Variants in ERC2 observed in about 807,000 individuals in gnomAD.
ERC2 encodes the protein ELKS/RAB6-interacting/CAST family member 2, also known as ERC protein 2.
ERC2 carries 42 observed loss-of-function variants against 114.8 expected under a neutral mutation model. That is an observed-to-expected ratio of 0.37 (90% CI 0.29 to 0.47). The LOEUF (loss-of-function observed/expected upper bound fraction) is 0.47. Among genes scored for constraint, ERC2 ranks in the 20% least tolerant of loss-of-function variants. The probability of loss-of-function intolerance (pLI) is 0.99; values close to 1 mark genes in which losing one functional copy is unlikely to be tolerated. For synonymous variants in ERC2, 454 were observed against 425.5 expected (o/e 1.07, Z -0.82); for missense variants, 939 against 1,150.7 (o/e 0.82, Z 2.66).
chr3:56,436,062 C>T lies in ERC2; in HGVS notation c.-140-915G>A, dbSNP rs528070657. Among the ~76,000 whole-genome samples, 3 of 152,276 alleles carry T rather than the reference C, an allele frequency of 2.0e-5. No homozygotes were observed. In the South Asian group the frequency reaches 6.2e-4, roughly 32 times the overall value. On this transcript the variant is annotated intron_variant, in intron 1 of 17. Transcript: ENST00000288221. ...TGGGGCTACAGCATTGTGAGTATCC[C>T]TTCAATTTTAGCACCCATATGGCCT...
chr3:56,453,733 C>T (rs905020735), intron 1 of ERC2, among the ~76,000 whole-genome samples: 2 of 152,100 alleles, frequency 1.3e-5, no homozygotes, highest in African/African-American at 4.8e-5. Context: ...CATTCCTGAC[C>T]ACTGATTTCT....
At chr3:55,935,431 G>A (rs554201475) in intron 13 of ERC2, among the ~76,000 whole-genome samples, 2 of 152,130 alleles carry the variant, frequency 1.3e-5, no homozygotes, top group African/African-American at 4.8e-5. Context: ...CATGGAGCCC[G>A]GCACACAGCA....
Position 55,776,783 on chromosome 3 carries a change from A to G in ERC2, c.2565-41865T>C, listed in dbSNP as rs112225406. On this transcript the variant is annotated intron_variant, in intron 14 of 17. Transcript: ENST00000288221. ...CCCAAAGGGCTGCTGTGAGAAGAAA[A>G]TGAGAAAGCTCATACAGTGGAGTAA... 6.9e-3 allele frequency among the ~76,000 whole-genome samples: 1,044 copies of G among 152,322 alleles called. 8 individuals are homozygous for G. Among genetic ancestry groups the G allele is most frequent in the Non-Finnish European group, 0.011 (778 of 68,034 alleles).
At chr3:55,864,152 T>TACAC (rs1267238114) in intron 14 of ERC2, among the ~76,000 whole-genome samples, 12 of 122,088 alleles carry the variant, frequency 9.8e-5, no homozygotes, top group African/African-American at 3.4e-4. Context: ...TATATATATA[T>TACAC]ATACACATAT....
chr3:55,889,838 T>C (rs922336227), intron 13 of ERC2, among the ~76,000 whole-genome samples: 1 of 152,186 alleles, frequency 6.6e-6, no homozygotes, highest in African/African-American at 2.4e-5. Context: ...TAAGTTCCAA[T>C]TCATAAAGAC....
chr3:56,399,576 T>C (rs2060443730), intron 2 of ERC2, among the ~76,000 whole-genome samples: 1 of 152,194 alleles, frequency 6.6e-6, no homozygotes, highest in African/African-American at 2.4e-5. Flanking sequence ...ATTATAAATA[T>C]ACCAAGACTA....
intron 14 of ERC2, among the ~76,000 whole-genome samples, chr3:55,879,616 G>A (rs543923005): frequency 5.0e-4 from 76 of 152,252 alleles, no homozygotes; most frequent in Admixed American, 3.7e-3. Flanking sequence ...AAACATACAT[G>A]CATACACATA....
At chr3:56,102,019 C>T (rs924712337) in intron 6 of ERC2, among the ~76,000 whole-genome samples, 1 of 152,214 alleles carries the variant, frequency 6.6e-6, no homozygotes, top group Non-Finnish European at 1.5e-5. Flanking sequence ...AGATGTGGTA[C>T]TTTCAATAAC....
intron 15 of ERC2, among the ~76,000 whole-genome samples, chr3:55,729,822 A>T (rs1329167978): frequency 9.3e-6 from 1 of 107,338 alleles, no homozygotes; most frequent in Non-Finnish European, 1.9e-5. Flanking sequence ...AGGGTAATGC[A>T]GTGAGACTCT....
At chr3:55,917,723 C>T (rs984420217) in intron 13 of ERC2, among the ~76,000 whole-genome samples, 12 of 152,056 alleles carry the variant, frequency 7.9e-5, no homozygotes, top group Non-Finnish European at 1.8e-4. Flanking sequence ...AAATTGATTG[C>T]ACAACTCTGA....
intron 14 of ERC2, among the ~76,000 whole-genome samples, chr3:55,864,207 A>ACACACATATATACACATATATATG (rs1264303809): frequency 5.6e-5 from 8 of 143,264 alleles, no homozygotes; most frequent in Non-Finnish European, 1.1e-4. Flanking sequence ...ACATATATAT[A>ACACACATATATACACATATATATG]CACACATATA....
chr3:55,689,816 A>G (rs532269204), intron 16 of ERC2, among the ~76,000 whole-genome samples: 25 of 152,044 alleles, frequency 1.6e-4, no homozygotes, highest in Non-Finnish European at 2.5e-4. Context: ...AAAAGAAAAA[A>G]AAAAGAAAAG....
At chr3:55,582,551 G>A (rs1191219034) in intron 17 of ERC2, among the ~76,000 whole-genome samples, 1 of 152,188 alleles carries the variant, frequency 6.6e-6, no homozygotes, top group African/African-American at 2.4e-5. Context: ...TATCTCAATG[G>A]CTGAATTTTG....
At chr3:55,737,891 A>G (rs968942437) in intron 14 of ERC2, among the ~76,000 whole-genome samples, 1 of 152,126 alleles carries the variant, frequency 6.6e-6, no homozygotes, top group Non-Finnish European at 1.5e-5. Context: ...ACTGCCCCAT[A>G]TAATAGTGTC....
At chr3:55,723,928 T>G (rs574905424) in intron 15 of ERC2, among the ~76,000 whole-genome samples, 3 of 152,124 alleles carry the variant, frequency 2.0e-5, no homozygotes, top group Non-Finnish European at 4.4e-5. Flanking sequence ...CTTTTTTCAA[T>G]GTATTTGAAA....
At chr3:56,121,199 ATGTATATC>A (rs1364601791) in intron 6 of ERC2, among the ~76,000 whole-genome samples, 7 of 152,182 alleles carry the variant, frequency 4.6e-5, no homozygotes, top group Non-Finnish European at 1.5e-5. Flanking sequence ...AACTTAGTAA[ATGTATATC>A]TGTATGTCTG....
chr3:55,853,571 A>G lies in ERC2; in HGVS notation c.2564+34818T>C, dbSNP rs187831086. 5.3e-5 allele frequency among the ~76,000 whole-genome samples: 8 copies of G among 152,288 alleles called. No individual in the cohort carries two copies. In the East Asian group the frequency reaches 7.7e-4, roughly 15 times the overall value. On this transcript the variant is annotated intron_variant, in intron 14 of 17. Transcript: ENST00000288221. ...AAGAAAGCACTAGCACTCAGGAAAT[A>G]TAAGTATGAATTGAATTAGATATAC...
chr3:56,386,335 G>A (rs2059933318), intron 2 of ERC2, among the ~76,000 whole-genome samples: 1 of 152,108 alleles, frequency 6.6e-6, no homozygotes, highest in Admixed American at 6.6e-5. Flanking sequence ...AAGCATCCCA[G>A]ATTTCTTTGA....
chr3:55,833,559 T>C (rs1282360997), intron 14 of ERC2, among the ~76,000 whole-genome samples: 2 of 152,182 alleles, frequency 1.3e-5, no homozygotes, highest in South Asian at 2.1e-4. Flanking sequence ...AAGCAAATGC[T>C]GAGAGATTTT....
Sources: gnomAD v4.1 joint callset for allele counts (sites outside exome capture counted in the v4.1 genomes callset) on GRCh38, gnomAD v4.1.1 for gene constraint, MANE v1.5 for transcripts, NCBI Gene and HGNC (gene_info 2026-07-23, HGNC 2026-07-21) for gene names.